Variants in TRPM2 observed in about 807,000 individuals in gnomAD.
TRPM2 encodes estrogen-responsive element-associated gene 1 protein.
In TRPM2, 161 loss-of-function variants were observed where a neutral mutation model predicts 174.0. The observed-to-expected ratio is 0.93, with a 90% CI of 0.81 to 1.05. The LOEUF is 1.05. TRPM2 is among the 50% of genes least tolerant of loss of function. TRPM2 has a pLI of 0.00. For missense variants in TRPM2, 2,057 were observed against 2,038.0 expected (o/e 1.01, Z -0.18); for synonymous variants, 954 against 861.3 (o/e 1.11, Z -1.88).
At chr21:44,440,307 A>ACAG (rs1484192666) in intron 30 of TRPM2, among the ~76,000 whole-genome samples, 7 of 3,932 alleles carry the variant, frequency 1.8e-3, no homozygotes, top group African/African-American at 4.4e-3. Flanking sequence ...CTGCGCTCAA[A>ACAG]AAAAAAAAAA....
In TRPM2 at chr21:44,401,902, A is replaced by C; in HGVS notation, c.2538+5A>C. 1 of 1,613,472 alleles carries C rather than the reference A, an allele frequency of 6.2e-7. No homozygotes were observed. The highest frequency in any genetic ancestry group is 8.5e-7 in the Non-Finnish European group (1 of 1,179,932). On this transcript the variant is annotated splice_donor_5th_base_variant and intron_variant, in intron 16 of 31. Transcript: ENST00000397928. Reference sequence around the variant, plus strand: ...GTGTGCGAGGAGATGCGGCAGGTACAGCCCCACCCGCTTTTCCACGCCCCA... The same window carrying C: ...GTGTGCGAGGAGATGCGGCAGGTACCGCCCCACCCGCTTTTCCACGCCCCA...
intron 11 of TRPM2, among the ~76,000 whole-genome samples, chr21:44,393,955 C>T (rs1169672913): frequency 6.6e-6 from 1 of 152,114 alleles, no homozygotes; most frequent in Non-Finnish European, 1.5e-5. Flanking sequence ...TTACTGCAAC[C>T]TCTGCCTCCT....
At chr21:44,377,568 G>A in intron 6 of TRPM2, 144 bp from the exon 7 acceptor site, 1 of 1,101,418 alleles carries the variant, frequency 9.1e-7, no homozygotes, top group Non-Finnish European at 1.4e-6. Context: ...GCCAGCAGGG[G>A]GCAGGGGAGA....
rs374830135 is a variant in TRPM2 at position 44,391,471 on chromosome 21, C to A, written c.1640C>A (p.Pro547Gln). ...QKVLVEDPERPACAPAAPRLQ... is the reference protein window; with the variant it reads ...QKVLVEDPERQACAPAAPRLQ... The stretch of plus-strand genomic sequence containing the variant: ...GTGCTGGTGGAGGATCCCGAGCGCC[C>A]GGCTTGCGCGCCCGCGGCGCCCCGC... Residue 547 changes from proline (P) to glutamine (Q), a missense_variant, in exon 11 of 32, where the codon CCG (proline) becomes CAG (glutamine). By Grantham distance (76) the Pro-to-Gln change is moderately conservative. Transcript: ENST00000397928. This position sits in a 1 kb window ranked among gnomAD's most constrained non-coding sequence, Gnocchi z 5.0. 2 of 1,610,646 alleles carry A rather than the reference C, an allele frequency of 1.2e-6. No individual in the cohort carries two copies. The highest frequency in any genetic ancestry group is 1.7e-6 in the Non-Finnish European group (2 of 1,179,720).
chr21:44,425,637 C>T (rs770082457), intron 24 of TRPM2, 33 bp from the exon 25 acceptor site: 15 of 1,456,632 alleles, frequency 1.0e-5, no homozygotes, highest in African/African-American at 5.7e-5. Flanking sequence ...GCCCGGGCTC[C>T]GCCTTGCGTC....
At chr21:44,368,432 GTT>G (rs1053919350) in intron 4 of TRPM2, among the ~76,000 whole-genome samples, 1 of 139,416 alleles carries the variant, frequency 7.2e-6, no homozygotes, top group Non-Finnish European at 1.6e-5. Context: ...TTATTTTTTT[GTT>G]TTTTTTTTGG....
At chr21:44,413,052 G>A (rs921426685) in intron 19 of TRPM2, among the ~76,000 whole-genome samples, 1 of 151,916 alleles carries the variant, frequency 6.6e-6, no homozygotes, top group Non-Finnish European at 1.5e-5. Context: ...TTTGTTTAAG[G>A]TAGAAGCTGT....
intron 23 of TRPM2, 146 bp from the exon 24 acceptor site, chr21:44,424,706 C>A: frequency 1.9e-6 from 1 of 527,772 alleles, no homozygotes; most frequent in Non-Finnish European, 3.3e-6. Context: ...CTGGGGAGGA[C>A]GTGGTGTCTC....
chr21:44,407,876 A>T lies in TRPM2; in HGVS notation c.2962+1111A>T, dbSNP rs188207683. Reference sequence around the variant, plus strand: ...TTGTTTCCACTTTTCCTTTTTTTTAAAAAAAATTAATATTTAATTTTTTAA... The same window carrying T: ...TTGTTTCCACTTTTCCTTTTTTTTATAAAAAATTAATATTTAATTTTTTAA... On this transcript the variant is annotated intron_variant, in intron 19 of 31. Coordinates refer to ENST00000397928, the MANE Select transcript of TRPM2 (RefSeq NM_003307.4). Among the ~76,000 whole-genome samples the T allele has an allele frequency of 3.6e-3, 541 of 151,072 alleles. 6 individuals are homozygous for T. The highest frequency in any genetic ancestry group is 0.011 in the African/African-American group (448 of 41,314).
intron 16 of TRPM2, among the ~76,000 whole-genome samples, chr21:44,403,584 GCA>G (rs971136209): frequency 2.7e-5 from 4 of 149,148 alleles, no homozygotes; most frequent in East Asian, 2.0e-4. Context: ...ACACATACAT[GCA>G]CACACATGCA....
At position 44,391,833 on chromosome 21, in the gene TRPM2, C is replaced by T. The variant is rs1470473794; in HGVS notation, c.1794+208C>T. On this transcript the variant is annotated intron_variant, in intron 11 of 31. Coordinates refer to ENST00000397928, the MANE Select transcript of TRPM2 (RefSeq NM_003307.4). This position sits in a 1 kb window ranked among gnomAD's most constrained non-coding sequence, Gnocchi z 5.0. ...CTCGAAGTTCTGGAAGCCCGAAGTCCCAGATTAAGGCACCAGCAGGGCTGG... is the reference window on the plus strand; with the variant it reads ...CTCGAAGTTCTGGAAGCCCGAAGTCTCAGATTAAGGCACCAGCAGGGCTGG... 1.3e-5 allele frequency among the ~76,000 whole-genome samples: 2 copies of T among 152,210 alleles called. No homozygotes were observed. The highest frequency in any genetic ancestry group is 2.4e-5 in the African/African-American group (1 of 41,456).
At chr21:44,373,757 G>A (rs1569030091) in intron 5 of TRPM2, among the ~76,000 whole-genome samples, 2 of 152,092 alleles carry the variant, frequency 1.3e-5, no homozygotes, top group Non-Finnish European at 2.9e-5. Flanking sequence ...AAAAAGCCAG[G>A]CCACAACTTG....
chr21:44,399,192 C>T lies in TRPM2; in HGVS notation c.2063-104C>T. 4 of 1,441,490 alleles carry T rather than the reference C, an allele frequency of 2.8e-6. No homozygotes were observed. The South Asian group carries it at 4.2e-5, about 15-fold the overall frequency. The allele number at this position is 1,441,490 out of a possible 1,614,324, so 89.3% of individuals were successfully genotyped here. On this transcript the variant is annotated intron_variant, in intron 13 of 31. Transcript: ENST00000397928. The surrounding 1 kb of genome is among the most constrained non-coding windows in gnomAD (Gnocchi z 4.6). Reference sequence around the variant, plus strand: ...CCCCACATTTGCCCTGTGCCCTTCCCTGTGTCCTGGTGGTGCTGTCCCGAG... The same window carrying T: ...CCCCACATTTGCCCTGTGCCCTTCCTTGTGTCCTGGTGGTGCTGTCCCGAG...
Position 44,406,765 on chromosome 21 carries a change from G to C in TRPM2, c.2962G>C (p.Gly988Arg), listed in dbSNP as rs757441917. The part of the protein sequence containing the change: ...IFGQIPGYID[G>R]VNFNPEHCSP... ...CGGGCAGATCCCGGGCTACATCGAC[G>C]GTAGGAGCCGGGCGCCATGGGAGCT... The change falls in exon 19 of 32, where the codon GGT becomes CGT. Residue 988 changes from glycine (G) to arginine (R), a missense_variant and splice_region_variant. Gly to Arg is a moderately radical substitution (Grantham distance 125). Transcript: ENST00000397928. 3.8e-6 allele frequency: 6 copies of C among 1,598,306 alleles called. No individual in the cohort carries two copies. Among genetic ancestry groups the C allele is most frequent in the South Asian group, 1.1e-5 (1 of 89,380 alleles).
chr21:44,406,005 C>G lies in TRPM2; in HGVS notation c.2758C>G (p.Leu920Val), dbSNP rs769697265. The change falls in exon 18 of 32, where the codon CTG becomes GTG. Residue 920 changes from leucine (L) to valine (V), a missense_variant. Leu to Val is a conservative substitution (Grantham distance 32). Transcript: ENST00000397928. ...GCACATTTTTACCATCAGTAAGACG[C>G]TGGGGCCCAAGATCATCATTGTGAA... is the stretch of plus-strand genomic sequence containing the variant. ...LMHIFTISKT[L>V]GPKIIIVKRM... The G allele has an allele frequency of 3.7e-6, 6 of 1,608,382 alleles. No homozygotes were observed. The highest frequency in any genetic ancestry group is 2.2e-5 in the East Asian group (1 of 44,870).
intron 3 of TRPM2, among the ~76,000 whole-genome samples, chr21:44,364,691 T>G (rs903568700): frequency 8.6e-5 from 13 of 150,906 alleles, no homozygotes; most frequent in Non-Finnish European, 1.9e-4. Context: ...AGGGAAAAGC[T>G]GGGGGAAGGG....
At chr21:44,362,524 AAAAG>A (rs1287583138) in intron 2 of TRPM2, among the ~76,000 whole-genome samples, 7 of 151,678 alleles carry the variant, frequency 4.6e-5, no homozygotes, top group Admixed American at 1.3e-4. Context: ...AGAAAAAAAA[AAAAG>A]AAAGAAAGAA....
chr21:44,403,053 G>T (rs530917452), intron 16 of TRPM2, among the ~76,000 whole-genome samples: 3 of 152,154 alleles, frequency 2.0e-5, no homozygotes, highest in African/African-American at 2.4e-5. Flanking sequence ...CTGTGCTGTG[G>T]CCCTGGCTCT....
At chr21:44,387,546 T>C (rs563860505) in intron 9 of TRPM2, among the ~76,000 whole-genome samples, 107 of 152,086 alleles carry the variant, frequency 7.0e-4, no homozygotes, top group Non-Finnish European at 1.3e-3. Flanking sequence ...AATAGATAAA[T>C]TGGACTTTAT....
Sources: gnomAD v4.1 joint callset for allele counts (sites outside exome capture counted in the v4.1 genomes callset) on GRCh38, gnomAD v4.1.1 for gene constraint, Gnocchi (gnomAD v3.1) non-coding constraint, MANE v1.5 for transcripts, NCBI Gene and HGNC (gene_info 2026-07-23, HGNC 2026-07-21) for gene names.